The following TRIP12 variants were observed in gnomAD, a reference collection of about 807,000 sequenced individuals.
The protein encoded by TRIP12 is E3 ubiquitin-protein ligase TRIP12.
In TRIP12, 25 loss-of-function variants were observed where a neutral mutation model predicts 244.2. The observed-to-expected ratio is 0.10, with a 90% CI of 0.07 to 0.14. The LOEUF is 0.14. TRIP12 is among the 10% of genes least tolerant of loss of function. TRIP12 has a pLI of 1.00. For missense variants in TRIP12, 1,677 were observed against 2,486.4 expected (o/e 0.67, Z 6.92); for synonymous variants, 905 against 873.1 (o/e 1.04, Z -0.64).
At chr2:229,893,401 G>A (rs1035740301) in intron 1 of TRIP12, among the ~76,000 whole-genome samples, 1 of 151,986 alleles carries the variant, frequency 6.6e-6, no homozygotes, top group African/African-American at 2.4e-5. Flanking sequence ...ATCCTTACCA[G>A]GATATACAGT....
chr2:229,836,763 T>C (rs370513995), intron 6 of TRIP12, 85 bp downstream of exon 6: 26 of 1,428,734 alleles, frequency 1.8e-5, no homozygotes, highest in East Asian at 1.3e-4. Context: ...TATACGATAG[T>C]AACACCTAGC....
chr2:229,788,770 G>A lies in TRIP12; in HGVS notation c.4838+28C>T, dbSNP rs1158951334. On this transcript the variant is annotated intron_variant, in intron 32 of 41. Coordinates refer to ENST00000675903, the MANE Select transcript of TRIP12 (RefSeq NM_001348323.3). ...AGACCAACCCAGTAACATTTCCAAG[G>A]CCACCATTACAGAAGTGATTGTCTT... is the stretch of plus-strand genomic sequence containing the variant. The A allele has an allele frequency of 2.5e-6, 4 of 1,600,744 alleles. No individual in the cohort carries two copies. The Admixed American group carries it at 7.0e-5, about 28-fold the overall frequency.
intron 32 of TRIP12, 97 bp downstream of exon 32, chr2:229,788,701 G>T: frequency 6.9e-7 from 1 of 1,448,698 alleles, no homozygotes; most frequent in Non-Finnish European, 9.4e-7. Context: ...ATAAACATTT[G>T]ACTAGGTCCA....
chr2:229,811,729 C>A (rs1238720402), intron 13 of TRIP12, among the ~76,000 whole-genome samples: 1 of 152,120 alleles, frequency 6.6e-6, no homozygotes, highest in Non-Finnish European at 1.5e-5. Flanking sequence ...GTCATAAAAA[C>A]AGAGTGGCAT....
rs1272989662 is a variant in TRIP12 at position 229,799,031 on chromosome 2, G to A, written c.3326C>T (p.Thr1109Ile). The A allele has an allele frequency of 1.2e-6, 2 of 1,614,178 alleles. No individual in the cohort carries two copies. The highest frequency in any genetic ancestry group is 8.5e-7 in the Non-Finnish European group (1 of 1,180,034). The change falls in exon 23 of 42, where the codon ACT becomes ATT. Residue 1109 changes from threonine to isoleucine, a missense_variant. By Grantham distance (89) the Thr-to-Ile change is moderately conservative. Around this residue, in one of 11 missense-constraint regions of TRIP12, gnomAD observed 572 missense variants for 867.8 expected, o/e 0.66. Coordinates refer to ENST00000675903, the MANE Select transcript of TRIP12 (RefSeq NM_001348323.3). The part of the protein sequence containing the change: ...VDNQAKSPTT[T>I]QSPKSSFLAS... Reference sequence around the variant, plus strand: ...CAGGAAAGAAGATTTAGGTGACTGAGTAGTGGTGGGGCTTTTAGCTATGAA... The same window carrying A: ...CAGGAAAGAAGATTTAGGTGACTGAATAGTGGTGGGGCTTTTAGCTATGAA...
intron 4 of TRIP12, among the ~76,000 whole-genome samples, chr2:229,855,473 G>A (rs1339559632): frequency 1.3e-5 from 2 of 151,852 alleles, no homozygotes; most frequent in Admixed American, 6.6e-5. Flanking sequence ...GGTCCACATA[G>A]TATTCATCTC....
intron 38 of TRIP12, among the ~76,000 whole-genome samples, chr2:229,773,408 C>T (rs539005161): frequency 1.2e-4 from 19 of 152,062 alleles, no homozygotes; most frequent in African/African-American, 3.6e-4. Context: ...TTAAGAGAAA[C>T]GATCTTGCTC....
chr2:229,855,965 G>A (rs1256231386), intron 4 of TRIP12, among the ~76,000 whole-genome samples: 2 of 151,800 alleles, frequency 1.3e-5, no homozygotes, highest in Non-Finnish European at 2.9e-5. Flanking sequence ...CCGAACCTGG[G>A]AGGTAGAGGT....
At chr2:229,785,365 C>T (rs192402768) in intron 34 of TRIP12, among the ~76,000 whole-genome samples, 57 of 152,256 alleles carry the variant, frequency 3.7e-4, no homozygotes, top group Admixed American at 8.5e-4. Flanking sequence ...TTTATCTTGA[C>T]GTGAAAGTGG....
At chr2:229,868,403 A>G (rs1053507551) in intron 2 of TRIP12, among the ~76,000 whole-genome samples, 4 of 151,996 alleles carry the variant, frequency 2.6e-5, no homozygotes, top group Non-Finnish European at 5.9e-5. Context: ...GGGTTTCGCC[A>G]TTTTGCCCAG....
chr2:229,866,098 TCAAA>T (rs1179007908), intron 2 of TRIP12, among the ~76,000 whole-genome samples: 2 of 152,190 alleles, frequency 1.3e-5, no homozygotes, highest in African/African-American at 2.4e-5. Flanking sequence ...CCCATGTATT[TCAAA>T]CAGTCTTGGT....
rs75723349 is a variant in TRIP12 at position 229,836,877 on chromosome 2, C to G, written c.1241G>C (p.Arg414Pro). ...NQEAVNSSAA[R>P]TDEAPQGAAA... is the part of the protein sequence containing the mutation. The stretch of plus-strand genomic sequence containing the variant: ...AGCTCCTTGGGGAGCTTCATCTGTC[C>G]GAGCAGCTGAAGAATTTACTGCCTC... The change falls in exon 6 of 42, where the codon CGG becomes CCG. Residue 414 changes from arginine to proline, a missense_variant. Physicochemically the swap from Arg to Pro is moderately radical, Grantham distance 103. Coordinates refer to ENST00000675903, the MANE Select transcript of TRIP12 (RefSeq NM_001348323.3). The G allele has an allele frequency of 4.4e-6, 7 of 1,599,558 alleles. No individual in the cohort carries two copies. The highest frequency in any genetic ancestry group is 3.4e-6 in the Non-Finnish European group (4 of 1,175,490).
intron 4 of TRIP12, among the ~76,000 whole-genome samples, chr2:229,844,681 A>T (rs1326539720): frequency 6.6e-6 from 1 of 152,238 alleles, no homozygotes; most frequent in South Asian, 2.1e-4. Context: ...GTATTTGATA[A>T]GACTCTATAA....
intron 26 of TRIP12, 77 bp downstream of exon 26, chr2:229,795,102 A>G (rs2042492017): frequency 6.6e-7 from 1 of 1,524,860 alleles, no homozygotes; most frequent in Non-Finnish European, 8.8e-7. Context: ...ACTTTACCAG[A>G]CCTCTTGCCA....
intron 19 of TRIP12, 82 bp downstream of exon 19, chr2:229,803,917 T>C (rs2045157725): frequency 7.8e-6 from 10 of 1,274,390 alleles, no homozygotes; most frequent in Non-Finnish European, 1.1e-5. Flanking sequence ...GCATATTTTT[T>C]CTATTATTAC....
intron 1 of TRIP12, among the ~76,000 whole-genome samples, chr2:229,915,365 T>G (rs2075180809): frequency 6.6e-6 from 1 of 152,192 alleles, no homozygotes; most frequent in Non-Finnish European, 1.5e-5. Context: ...AAATGTATGA[T>G]TTAAAGTAAC....
At chr2:229,890,864 C>G (rs1020131080) in intron 1 of TRIP12, among the ~76,000 whole-genome samples, 5 of 152,138 alleles carry the variant, frequency 3.3e-5, no homozygotes, top group African/African-American at 9.7e-5. Flanking sequence ...TATATTGAGC[C>G]AGAATACGTA....
At chr2:229,867,251 T>C (rs11680712) in intron 2 of TRIP12, among the ~76,000 whole-genome samples, 1 of 149,690 alleles carries the variant, frequency 6.7e-6, no homozygotes, top group African/African-American at 2.4e-5. Context: ...CTGCAACCTC[T>C]GCCTCCTGGG....
intron 4 of TRIP12, 39 bp from the exon 5 acceptor site, chr2:229,840,966 G>T (rs763321362): frequency 4.3e-6 from 6 of 1,386,514 alleles, no homozygotes; most frequent in South Asian, 2.7e-5. Flanking sequence ...TTTATAATGA[G>T]AAATTATCAC....
Sources: allele counts gnomAD v4.1 joint callset (sites outside exome capture counted in the v4.1 genomes callset), GRCh38; gene constraint gnomAD v4.1.1; regional missense constraint gnomAD v4.1.1; transcripts MANE v1.5; gene names NCBI Gene and HGNC (gene_info 2026-07-23, HGNC 2026-07-21).